Variants in SDK1 observed in about 807,000 individuals in gnomAD.
The protein encoded by SDK1 is protein sidekick-1.
SDK1 carries 157 observed loss-of-function variants against 245.5 expected under a neutral mutation model. That is an observed-to-expected ratio of 0.64 (90% CI 0.56 to 0.73). SDK1 has a LOEUF of 0.73. Ranked by LOEUF, SDK1 falls within the 30% of genes least tolerant of loss-of-function variation. The pLI is 0.00. For missense variants in SDK1, 3,583 were observed against 3,002.3 expected (o/e 1.19, Z -4.52); for synonymous variants, 1,647 against 1,278.5 (o/e 1.29, Z -6.15).
rs149021686 is a variant in SDK1 at position 3,379,788 on chromosome 7, G to A, written c.298+77904G>A. 1.1e-3 allele frequency among the ~76,000 whole-genome samples: 145 copies of A among 128,538 alleles called. 1 individual carries two copies. The highest frequency in any genetic ancestry group is 4.6e-3 in the African/African-American group (142 of 31,090). 84.3% of individuals were successfully genotyped at this position (128,538 alleles called of 152,430 possible). On this transcript the variant is annotated intron_variant, in intron 1 of 44. Transcript: ENST00000404826. ...GCTGAACATCCCAAATCCGAAATTT[G>A]CAATGTTCCAAAATCCAAAACTTCT...
At chr7:3,950,040 T>C (rs1430343065) in intron 5 of SDK1, among the ~76,000 whole-genome samples, 1 of 152,228 alleles carries the variant, frequency 6.6e-6, no homozygotes, top group Admixed American at 6.5e-5. Flanking sequence ...GGTAACTCAG[T>C]AAGCAAACTC....
intron 13 of SDK1, among the ~76,000 whole-genome samples, chr7:3,979,779 C>G (rs938967237): frequency 1.3e-5 from 2 of 152,176 alleles, no homozygotes; most frequent in Non-Finnish European, 2.9e-5. Flanking sequence ...TCATATTCCC[C>G]AAAGCATCTT....
rs535860105 is a variant in SDK1, at chr7:3,841,905, C to A, written c.847+20322C>A. ...TCATAAGGATGGCCAGATGCAAGAC[C>A]GACCCATTGGGTGGTGGAAATAAAG... is the stretch of plus-strand genomic sequence containing the variant. On this transcript the variant is annotated intron_variant, in intron 5 of 44. Coordinates refer to ENST00000404826, the MANE Select transcript of SDK1 (RefSeq NM_152744.4). Among the ~76,000 whole-genome samples, 186 of 152,114 alleles carry A rather than the reference C, an allele frequency of 1.2e-3. 3 individuals carry two copies. Among genetic ancestry groups the A allele is most frequent in the Non-Finnish European group, 2.3e-3 (155 of 68,020 alleles).
chr7:3,319,403 G>A (rs1036744400), intron 1 of SDK1, among the ~76,000 whole-genome samples: 2 of 152,096 alleles, frequency 1.3e-5, no homozygotes, highest in African/African-American at 4.8e-5. Context: ...GCTTAGACCG[G>A]TGGCCCTCAA....
intron 5 of SDK1, among the ~76,000 whole-genome samples, chr7:3,825,212 C>G (rs1167851442): frequency 1.3e-5 from 2 of 151,706 alleles, no homozygotes; most frequent in African/African-American, 2.4e-5. Flanking sequence ...CTTTATGAAC[C>G]TGTCAACCTA....
At chr7:3,861,653 A>C (rs1437071905) in intron 5 of SDK1, among the ~76,000 whole-genome samples, 1 of 152,228 alleles carries the variant, frequency 6.6e-6, no homozygotes, top group Non-Finnish European at 1.5e-5. Flanking sequence ...TGGGGCTAAC[A>C]CTTCTTTATA....
intron 17 of SDK1, 39 bp downstream of exon 17, chr7:4,017,391 T>C (rs751619371): frequency 6.4e-7 from 1 of 1,557,850 alleles, no homozygotes; most frequent in Non-Finnish European, 8.7e-7. Flanking sequence ...GCGGGATCTT[T>C]GCCGGGGAAT....
intron 1 of SDK1, among the ~76,000 whole-genome samples, chr7:3,529,244 C>T (rs112660912): frequency 3.4e-4 from 51 of 152,218 alleles, no homozygotes; most frequent in African/African-American, 1.2e-3. Flanking sequence ...GGCCTAGGAG[C>T]AGTCAATCAC....
intron 35 of SDK1, among the ~76,000 whole-genome samples, chr7:4,198,206 C>T (rs1783691297): frequency 1.3e-5 from 2 of 152,194 alleles, no homozygotes; most frequent in Admixed American, 1.3e-4. Context: ...CAGGGTGTCA[C>T]AGAAGCGCCA....
intron 5 of SDK1, among the ~76,000 whole-genome samples, chr7:3,924,876 G>A (rs982648923): frequency 3.3e-5 from 5 of 152,112 alleles, no homozygotes; most frequent in African/African-American, 1.2e-4. Context: ...CATGGTGGAC[G>A]ACTCACTTGT....
chr7:4,061,020 T>A (rs1346697468), intron 19 of SDK1, among the ~76,000 whole-genome samples: 1 of 152,240 alleles, frequency 6.6e-6, no homozygotes, highest in East Asian at 1.9e-4. Flanking sequence ...TTGGTACCAG[T>A]ACCATGCTGT....
At chr7:4,094,867 G>A (rs965545554) in intron 22 of SDK1, among the ~76,000 whole-genome samples, 1 of 152,200 alleles carries the variant, frequency 6.6e-6, no homozygotes, top group Admixed American at 6.5e-5. Flanking sequence ...CAAGCATCAG[G>A]ACACGGAGGT....
intron 4 of SDK1, among the ~76,000 whole-genome samples, chr7:3,753,149 T>A (rs1583376217): frequency 6.6e-6 from 1 of 152,324 alleles, no homozygotes; most frequent in East Asian, 1.9e-4. Context: ...TTTTCAGGAA[T>A]GGTCATTAAT....
At chr7:3,915,160 G>T (rs1056085272) in intron 5 of SDK1, among the ~76,000 whole-genome samples, 2 of 152,212 alleles carry the variant, frequency 1.3e-5, no homozygotes, top group African/African-American at 4.8e-5. Context: ...TGCAAATGAC[G>T]TGGTAGGAGC....
intron 4 of SDK1, among the ~76,000 whole-genome samples, chr7:3,727,381 A>T (rs1284931382): frequency 3.3e-5 from 5 of 152,128 alleles, no homozygotes; most frequent in African/African-American, 9.7e-5. Context: ...CTGATGTTGG[A>T]TTTATCATTA....
chr7:3,908,611 C>T (rs570948329), intron 5 of SDK1, among the ~76,000 whole-genome samples: 1 of 152,182 alleles, frequency 6.6e-6, no homozygotes, highest in South Asian at 2.1e-4. Context: ...TTAAATATTC[C>T]GCAAGTACTC....
intron 2 of SDK1, among the ~76,000 whole-genome samples, chr7:3,638,454 A>T (rs10224716): frequency 6.7e-6 from 1 of 149,994 alleles, no homozygotes; most frequent in Admixed American, 6.7e-5. Flanking sequence ...CTATGCAGCC[A>T]TAAAAAATGA....
intron 1 of SDK1, among the ~76,000 whole-genome samples, chr7:3,370,262 T>A (rs1469891316): frequency 6.6e-6 from 1 of 152,146 alleles, no homozygotes; most frequent in Non-Finnish European, 1.5e-5. Flanking sequence ...AAGTGGTGTT[T>A]TTCAGACAGT....
At chr7:3,378,852 G>A (rs558603570) in intron 1 of SDK1, among the ~76,000 whole-genome samples, 1 of 152,044 alleles carries the variant, frequency 6.6e-6, no homozygotes, top group Non-Finnish European at 1.5e-5. Context: ...CACGGAGTTG[G>A]TCACTTTGTC....
Sources: gnomAD v4.1 joint callset for allele counts (sites outside exome capture counted in the v4.1 genomes callset) on GRCh38, gnomAD v4.1.1 for gene constraint, MANE v1.5 for transcripts, NCBI Gene and HGNC (gene_info 2026-07-23, HGNC 2026-07-21) for gene names.